Variants in SEM1 observed in about 807,000 individuals in gnomAD.
SEM1 encodes 26S proteasome complex subunit SEM1.
A neutral mutation model predicts 12.7 loss-of-function variants in SEM1; 3 were observed. That is an observed-to-expected ratio of 0.24 (90% confidence interval 0.11 to 0.61). The LOEUF is 0.61. SEM1 is among the 20% of genes least tolerant of loss of function. The pLI is 0.88. For synonymous variants in SEM1, 30 were observed against 27.8 expected, an observed-to-expected ratio of 1.08 and a Z score of -0.25; for missense variants, 59 against 81.3, an observed-to-expected ratio of 0.73 and a Z score of 1.06.
chr7:96,682,654 A>G (rs1351980226), intron 2 of SEM1, among the ~76,000 whole-genome samples: 1 of 152,100 alleles, frequency 6.6e-6, no homozygotes, highest in Non-Finnish European at 1.5e-5. Context: ...ATGGCAACAA[A>G]AGCCAGAACT....
chr7:96,650,258 A>G, intron 2 of SEM1: 2 of 441,348 alleles, frequency 4.5e-6, no homozygotes, highest in South Asian at 1.1e-4. Flanking sequence ...TCAACAGAAC[A>G]AACTATGGGA....
intron 2 of SEM1, among the ~76,000 whole-genome samples, chr7:96,627,625 G>C (rs971334615): frequency 2.0e-5 from 3 of 152,128 alleles, no homozygotes; most frequent in African/African-American, 7.2e-5. Flanking sequence ...ATTGTGGTCA[G>C]AGAAGATGCT....
intron 2 of SEM1, among the ~76,000 whole-genome samples, chr7:96,522,115 G>A (rs1405080088): frequency 6.6e-6 from 1 of 152,014 alleles, no homozygotes; most frequent in African/African-American, 2.4e-5. Context: ...GGATATTAAG[G>A]GCAGTCAGGA....
At chr7:96,693,760 T>TTGTG (rs566641071) in intron 2 of SEM1, among the ~76,000 whole-genome samples, 8,598 of 139,454 alleles carry the variant, frequency 0.062, 425 homozygotes, top group African/African-American at 0.15. Context: ...ACAATTCCAC[T>TTGTG]TGTGTGTGTG....
chr7:96,682,713 A>G (rs1188618037), intron 2 of SEM1, among the ~76,000 whole-genome samples: 1 of 152,092 alleles, frequency 6.6e-6, no homozygotes, highest in African/African-American at 2.4e-5. Flanking sequence ...AGCAAAAGAA[A>G]CTATCATCAG....
chr7:96,627,759 T>C (rs1264164949), intron 2 of SEM1, among the ~76,000 whole-genome samples: 1 of 152,126 alleles, frequency 6.6e-6, no homozygotes, highest in Non-Finnish European at 1.5e-5. Context: ...CTGGATGAAA[T>C]GTTCGTAAAT....
intron 1 of SEM1, among the ~76,000 whole-genome samples, chr7:96,699,183 A>T (rs1790195406): frequency 6.6e-6 from 1 of 152,124 alleles, no homozygotes; most frequent in South Asian, 2.1e-4. Context: ...ATTTCTTCTT[A>T]TTCTCAACAC....
rs192389170 is a variant in SEM1, at chr7:96,655,328, G to A, written c.171-32685C>T. On this transcript the variant is annotated intron_variant, in intron 2 of 2. Coordinates refer to the SEM1 transcript ENST00000417009. ...TCCATTGCCATTGTTGTGTGGTTGTGCAAACTTTGCAACTTATTTCCACTT... is the reference window on the plus strand; with the variant it reads ...TCCATTGCCATTGTTGTGTGGTTGTACAAACTTTGCAACTTATTTCCACTT... 9.2e-5 allele frequency among the ~76,000 whole-genome samples: 14 copies of A among 152,178 alleles called. No homozygotes were observed. In the East Asian group the frequency reaches 2.1e-3, roughly 23 times the overall value.
intron 2 of SEM1, among the ~76,000 whole-genome samples, chr7:96,681,347 T>C (rs1340607022): frequency 6.6e-6 from 1 of 152,024 alleles, no homozygotes; most frequent in Non-Finnish European, 1.5e-5. Flanking sequence ...AGAGTAGAAG[T>C]AGGGAGACTG....
At chr7:96,700,270 G>C (rs1790230980) in intron 1 of SEM1, among the ~76,000 whole-genome samples, 1 of 152,124 alleles carries the variant, frequency 6.6e-6, no homozygotes, top group Non-Finnish European at 1.5e-5. Context: ...ACATGTCCTA[G>C]AATATAAACA....
intron 2 of SEM1, among the ~76,000 whole-genome samples, chr7:96,634,928 G>A (rs566860066): frequency 1.2e-3 from 181 of 152,182 alleles, no homozygotes; most frequent in African/African-American, 4.3e-3. Context: ...AAGCAGAGGA[G>A]TGACAGTCTG....
At chr7:96,636,291 C>T (rs1237956630) in intron 2 of SEM1, among the ~76,000 whole-genome samples, 3 of 149,674 alleles carry the variant, frequency 2.0e-5, no homozygotes, top group Non-Finnish European at 4.4e-5. Context: ...GGTTCCTGGT[C>T]AGAGTTTCAG....
At position 96,532,222 on chromosome 7, in the gene SEM1, C is replaced by T. The variant is rs572593652; in HGVS notation, c.171-25524G>A. Among the ~76,000 whole-genome samples, 37 of 152,180 alleles carry T rather than the reference C, an allele frequency of 2.4e-4. 1 individual carries two copies. The South Asian group carries it at 6.4e-3, about 26-fold the overall frequency. ...ATCATTAGTATTTAAAAAATATTTT[C>T]TGGGATGAGCCCAAAGTTCTGTTTT... On this transcript the variant is annotated intron_variant and NMD_transcript_variant, in intron 2 of 3. Transcript: ENST00000466986.
intron 3 of SEM1, among the ~76,000 whole-genome samples, chr7:96,501,676 A>G (rs949042005): frequency 6.6e-6 from 1 of 152,184 alleles, no homozygotes; most frequent in Non-Finnish European, 1.5e-5. Flanking sequence ...TGTTAGTATT[A>G]TCATTATTAT....
At chr7:96,669,699 T>C (rs925724028), downstream of SEM1, among the ~76,000 whole-genome samples, 1 of 152,184 alleles carries the variant, frequency 6.6e-6, no homozygotes, top group Non-Finnish European at 1.5e-5. Context: ...ATTGTATTCA[T>C]GGAGTGATAT....
At chr7:96,577,397 T>C (rs758495553) in intron 2 of SEM1, among the ~76,000 whole-genome samples, 1 of 151,978 alleles carries the variant, frequency 6.6e-6, no homozygotes, top group Non-Finnish European at 1.5e-5. Flanking sequence ...ACTCTTTGGG[T>C]GAAAAGGTAA....
chr7:96,685,456 C>A (rs966450619), downstream of SEM1, among the ~76,000 whole-genome samples: 2 of 152,018 alleles, frequency 1.3e-5, no homozygotes, highest in Non-Finnish European at 2.9e-5. Flanking sequence ...TGTGTAGCTA[C>A]TCAACTAAAA....
At chr7:96,499,676 G>T (rs1358299288), upstream of SEM1, among the ~76,000 whole-genome samples, 1 of 152,126 alleles carries the variant, frequency 6.6e-6, no homozygotes, top group Admixed American at 6.6e-5. Flanking sequence ...GCCTATTTTT[G>T]TTCCAACTCC....
chr7:96,659,925 A>AAAAC (rs1554430863), intron 2 of SEM1, among the ~76,000 whole-genome samples: 8 of 148,766 alleles, frequency 5.4e-5, no homozygotes, highest in East Asian at 1.9e-4. Flanking sequence ...AAAAAAAAAA[A>AAAAC]AAAAACAAAA....
Sources: allele counts gnomAD v4.1 joint callset (sites outside exome capture counted in the v4.1 genomes callset), GRCh38; gene constraint gnomAD v4.1.1; transcripts MANE v1.5; gene names NCBI Gene and HGNC (gene_info 2026-07-23, HGNC 2026-07-21).